Variants in PDE10A observed in about 807,000 individuals in gnomAD.
The protein encoded by PDE10A is phosphodiesterase 10A.
In PDE10A, 39 loss-of-function variants were observed where a neutral mutation model predicts 97.7. The observed-to-expected ratio is 0.40, with a 90% CI of 0.31 to 0.52. The LOEUF (loss-of-function observed/expected upper bound fraction) is 0.52, where lower values mean the gene tolerates loss of function less well. Among genes scored for constraint, PDE10A ranks in the 20% least tolerant of loss-of-function variants. The probability of loss-of-function intolerance (pLI) is 0.56; values close to 1 mark genes in which losing one functional copy is unlikely to be tolerated. For missense variants in PDE10A, 731 were observed against 1,047.8 expected, an observed-to-expected ratio of 0.70 and a Z score of 4.17; for synonymous variants, 371 against 376.8, an observed-to-expected ratio of 0.98 and a Z score of 0.18.
rs535426214 is a variant in PDE10A, at chr6:165,450,305, G to A, written c.1081C>T (p.Arg361Trp). ...VYELNSYIEQ[R>W]LDTGGDNQLL... is the part of the protein sequence containing the mutation. Reference sequence around the variant, plus strand: ...TGGTTGTCTCCTCCTGTGTCCAACCGTTGTTCTATATAGCTGTTTAGTTCA... The same window carrying A: ...TGGTTGTCTCCTCCTGTGTCCAACCATTGTTCTATATAGCTGTTTAGTTCA... The change falls in exon 4 of 22, where the codon CGG becomes TGG. Residue 361 changes from arginine (R) to tryptophan (W), a missense_variant. Around this residue, in one of 8 missense-constraint regions of PDE10A, gnomAD observed 152 missense variants for 199.3 expected, o/e 0.76. Coordinates refer to ENST00000539869, the MANE Select transcript of PDE10A (RefSeq NM_001385079.1). The A allele has an allele frequency of 1.5e-5, 24 of 1,598,088 alleles. No individual in the cohort carries two copies. The highest frequency in any genetic ancestry group is 8.9e-5 in the South Asian group (8 of 90,104).
At chr6:165,386,971 G>T (rs374691784) in intron 17 of PDE10A, among the ~76,000 whole-genome samples, 1 of 151,908 alleles carries the variant, frequency 6.6e-6, no homozygotes, top group African/African-American at 2.4e-5. Flanking sequence ...AGCCCAGATC[G>T]CGCCACTGCA....
intron 1 of PDE10A, among the ~76,000 whole-genome samples, chr6:165,937,841 T>C (rs145111426): frequency 1.7e-4 from 26 of 152,302 alleles, no homozygotes; most frequent in African/African-American, 5.5e-4. Flanking sequence ...AAACTGACCT[T>C]CTAATAAATG....
chr6:165,375,088 C>T (rs1415357470), intron 18 of PDE10A, among the ~76,000 whole-genome samples: 1 of 152,014 alleles, frequency 6.6e-6, no homozygotes, highest in Non-Finnish European at 1.5e-5. Flanking sequence ...ATCCTTGTTC[C>T]CTAAAAGCAG....
chr6:165,540,758 T>C (rs1479145687), intron 2 of PDE10A, among the ~76,000 whole-genome samples: 2 of 152,214 alleles, frequency 1.3e-5, no homozygotes, highest in Non-Finnish European at 2.9e-5. Context: ...GCCTCCCAAG[T>C]AGCTGGGATT....
chr6:165,826,484 C>CGTCCCTCTGTCCCTGT (rs1427180807), intron 1 of PDE10A, among the ~76,000 whole-genome samples: 5,392 of 150,340 alleles, frequency 0.036, 128 homozygotes, highest in Middle Eastern at 0.075. Context: ...CCTGTCCCCA[C>CGTCCCTCTGTCCCTGT]GTCCCTCTGT....
At chr6:165,745,865 C>T (rs555351050) in intron 1 of PDE10A, among the ~76,000 whole-genome samples, 1 of 152,318 alleles carries the variant, frequency 6.6e-6, no homozygotes, top group Non-Finnish European at 1.5e-5. Context: ...AGGGTTACTC[C>T]TGGTGCAGAA....
intron 1 of PDE10A, among the ~76,000 whole-genome samples, chr6:165,895,274 G>A (rs140844517): frequency 5.1e-4 from 78 of 152,290 alleles, no homozygotes; most frequent in African/African-American, 1.8e-3. Flanking sequence ...GGTACAACAG[G>A]TGTCCTTATA....
chr6:165,981,583 A>T (rs1255433622), intron 1 of PDE10A, among the ~76,000 whole-genome samples: 1 of 152,244 alleles, frequency 6.6e-6, no homozygotes, highest in Non-Finnish European at 1.5e-5. Context: ...TGCAGGCTTC[A>T]TTCTTGAGCT....
intron 12 of PDE10A, among the ~76,000 whole-genome samples, chr6:165,414,409 T>TA (rs1788157351): frequency 6.6e-6 from 1 of 152,160 alleles, no homozygotes; most frequent in Admixed American, 6.5e-5. Flanking sequence ...TAACGGTAGG[T>TA]AGTTACATGG....
intron 1 of PDE10A, among the ~76,000 whole-genome samples, chr6:165,965,898 T>A (rs992971274): frequency 6.6e-6 from 1 of 152,238 alleles, no homozygotes; most frequent in African/African-American, 2.4e-5. Flanking sequence ...AGGCTTCTGA[T>A]CCTTTTGTGA....
At chr6:165,334,308 G>GC (rs1562356607) in intron 21 of PDE10A, among the ~76,000 whole-genome samples, 1 of 147,142 alleles carries the variant, frequency 6.8e-6, no homozygotes, top group African/African-American at 2.5e-5. Context: ...CCTCCATAGC[G>GC]CCTTACAGCG....
At chr6:165,591,892 C>G (rs1477550172) in intron 1 of PDE10A, among the ~76,000 whole-genome samples, 2 of 152,070 alleles carry the variant, frequency 1.3e-5, no homozygotes, top group Non-Finnish European at 2.9e-5. Flanking sequence ...TCCCAGAAAA[C>G]CAAATACCCA....
chr6:165,539,197 T>C (rs986687832), intron 2 of PDE10A, among the ~76,000 whole-genome samples: 2 of 152,218 alleles, frequency 1.3e-5, no homozygotes, highest in African/African-American at 4.8e-5. Context: ...GAATTTAGGT[T>C]CAGAGATCAA....
chr6:165,847,680 C>G (rs1583184530), intron 1 of PDE10A, among the ~76,000 whole-genome samples: 1 of 152,366 alleles, frequency 6.6e-6, no homozygotes, highest in East Asian at 1.9e-4. Context: ...TGAAGCAAGC[C>G]AACTCCCATA....
rs55659553 is a variant in PDE10A, at chr6:165,548,327, C to T, written c.866-4759G>A. Among the ~76,000 whole-genome samples the T allele has an allele frequency of 1.2e-3, 156 of 129,026 alleles. 1 individual carries two copies. The highest frequency in any genetic ancestry group is 4.5e-3 in the African/African-American group (150 of 33,564). The allele number at this position is 129,026 out of a possible 152,430, so 84.6% of individuals were successfully genotyped here. On this transcript the variant is annotated intron_variant, in intron 1 of 21. Coordinates refer to ENST00000539869, the MANE Select transcript of PDE10A (RefSeq NM_001385079.1). ...TACTGCTTGTTGGTCTGCACTAGGA[C>T]ACAAGTAAATTCCACATGTTGCAGT...
At chr6:165,598,837 T>C (rs983363493) in intron 1 of PDE10A, among the ~76,000 whole-genome samples, 1 of 152,192 alleles carries the variant, frequency 6.6e-6, no homozygotes, top group African/African-American at 2.4e-5. Flanking sequence ...GGGCCTGCTC[T>C]TGCCAGCCGC....
intron 1 of PDE10A, among the ~76,000 whole-genome samples, chr6:165,709,588 CACCTCCATGCTGCTGTGCT>C (rs1479721050): frequency 1.0e-4 from 9 of 88,514 alleles, no homozygotes; most frequent in Admixed American, 2.0e-4. Context: ...CCACACTCTC[CACCTCCATGCTGCTGTGCT>C]CCCTCCACTC....
At chr6:165,672,043 T>C (rs758675072) in intron 1 of PDE10A, among the ~76,000 whole-genome samples, 2 of 152,152 alleles carry the variant, frequency 1.3e-5, no homozygotes, top group Non-Finnish European at 2.9e-5. Context: ...TTTAAGCAAA[T>C]CTCATATAAA....
chr6:165,954,457 G>A (rs910526418), intron 1 of PDE10A, among the ~76,000 whole-genome samples: 3 of 152,134 alleles, frequency 2.0e-5, no homozygotes, highest in Non-Finnish European at 4.4e-5. Flanking sequence ...GTCTACCTAC[G>A]GGTAAGAAGC....
Sources: gnomAD v4.1 joint callset for allele counts (sites outside exome capture counted in the v4.1 genomes callset) on GRCh38, gnomAD v4.1.1 for gene constraint, gnomAD v4.1.1 regional missense constraint, MANE v1.5 for transcripts, NCBI Gene and HGNC (gene_info 2026-07-23, HGNC 2026-07-21) for gene names.